The following MECOM variants were observed in gnomAD, a reference collection of about 807,000 sequenced individuals.
MECOM encodes MDS1 and EVI1 complex locus.
In MECOM, 13 loss-of-function variants were observed where a neutral mutation model predicts 116.3. The observed-to-expected ratio is 0.11, with a 90% CI of 0.07 to 0.18. The LOEUF (loss-of-function observed/expected upper bound fraction) is 0.18, where lower values mean the gene tolerates loss of function less well. Ranked by LOEUF, MECOM falls within the 10% of genes least tolerant of loss-of-function variation. MECOM has a pLI of 1.00. For missense variants in MECOM, 1,299 were observed against 1,509.0 expected (o/e 0.86, Z 2.31); for synonymous variants, 528 against 535.2 (o/e 0.99, Z 0.19).
chr3:169,146,630 G>A (rs1740037667), intron 2 of MECOM: 3 of 1,366,524 alleles, frequency 2.2e-6, no homozygotes, highest in Non-Finnish European at 1.9e-6. Context: ...GGGGGCGCCC[G>A]TAGAAACGGT....
At chr3:169,149,154 C>G (rs894262862) in intron 2 of MECOM, among the ~76,000 whole-genome samples, 1 of 147,286 alleles carries the variant, frequency 6.8e-6, no homozygotes, top group Non-Finnish European at 1.5e-5. Flanking sequence ...TTCTTCCTGT[C>G]AGGATGAGGG....
chr3:169,191,026 G>A (rs1219476503), intron 2 of MECOM, among the ~76,000 whole-genome samples: 1 of 151,984 alleles, frequency 6.6e-6, no homozygotes, highest in African/African-American at 2.4e-5. Context: ...GATACCAGGA[G>A]CAGGACCAAT....
At chr3:169,136,718 G>A (rs1371372921) in intron 3 of MECOM, among the ~76,000 whole-genome samples, 2 of 152,062 alleles carry the variant, frequency 1.3e-5, no homozygotes, top group Non-Finnish European at 2.9e-5. Flanking sequence ...TTCTTTATCT[G>A]TGGATTGATT....
At chr3:169,184,159 T>A (rs928095396) in intron 2 of MECOM, among the ~76,000 whole-genome samples, 1 of 152,118 alleles carries the variant, frequency 6.6e-6, no homozygotes, top group African/African-American at 2.4e-5. Context: ...CCACCACGCC[T>A]GGCCAGGACT....
chr3:169,150,622 T>C (rs1437441963), intron 2 of MECOM, among the ~76,000 whole-genome samples: 1 of 152,182 alleles, frequency 6.6e-6, no homozygotes, highest in Admixed American at 6.5e-5. Flanking sequence ...CTAAAACAAA[T>C]GTATAGCTTC....
At chr3:169,446,404 GC>G (rs1313980277) in intron 1 of MECOM, among the ~76,000 whole-genome samples, 2 of 152,016 alleles carry the variant, frequency 1.3e-5, no homozygotes, top group Non-Finnish European at 1.5e-5. Flanking sequence ...CTTGCCACTT[GC>G]CCTGCCATGA....
At chr3:169,449,557 C>A (rs1036881133) in intron 1 of MECOM, among the ~76,000 whole-genome samples, 1 of 152,106 alleles carries the variant, frequency 6.6e-6, no homozygotes, top group African/African-American at 2.4e-5. Context: ...TAAAGAGCCA[C>A]GCCTAGAGAC....
At chr3:169,656,396 G>A (rs531753645) in intron 1 of MECOM, among the ~76,000 whole-genome samples, 8 of 152,052 alleles carry the variant, frequency 5.3e-5, no homozygotes, top group Non-Finnish European at 7.4e-5. Flanking sequence ...CCAAAAGCAC[G>A]TTTGCTAATG....
At chr3:169,412,376 A>G (rs963011560) in intron 1 of MECOM, among the ~76,000 whole-genome samples, 4 of 152,010 alleles carry the variant, frequency 2.6e-5, no homozygotes, top group African/African-American at 9.7e-5. Context: ...TATTTTTATT[A>G]CAATGATCTT....
intron 1 of MECOM, among the ~76,000 whole-genome samples, chr3:169,616,015 G>A (rs899628400): frequency 5.3e-5 from 8 of 152,200 alleles, no homozygotes; most frequent in African/African-American, 1.9e-4. Flanking sequence ...CTTCGAGAAT[G>A]GCCCAGCCAG....
At chr3:169,623,024 A>G (rs550290788) in intron 1 of MECOM, among the ~76,000 whole-genome samples, 21 of 152,358 alleles carry the variant, frequency 1.4e-4, no homozygotes, top group Middle Eastern at 3.4e-3. Flanking sequence ...TACATCTGTG[A>G]CACAGAACTA....
Position 169,116,361 on chromosome 3 carries a change from G to T in MECOM, c.1511C>A (p.Pro504His). Reference protein sequence around the residue: ...LFPSGLYHRPPLIPASSPVKG... With the variant: ...LFPSGLYHRPHLIPASSPVKG... ...AACAGGAGAACTAGCAGGTATCAAA[G>T]GAGGCCTGTGGTACAAGCCGGAAGG... is the stretch of plus-strand genomic sequence containing the variant. The change falls in exon 8 of 17, where the codon CCT becomes CAT. Residue 504 changes from proline (P) to histidine (H), a missense_variant. Around this residue, in one of 6 missense-constraint regions of MECOM, gnomAD observed 238 missense variants for 273.1 expected, o/e 0.87. Transcript: ENST00000651503. 6.2e-7 allele frequency: 1 copy of T among 1,614,202 alleles called. No homozygotes were observed. Among genetic ancestry groups the T allele is most frequent in the African/African-American group, 1.3e-5 (1 of 75,056 alleles).
At chr3:169,310,231 T>G (rs1054897739) in intron 2 of MECOM, among the ~76,000 whole-genome samples, 1 of 152,202 alleles carries the variant, frequency 6.6e-6, no homozygotes, top group Non-Finnish European at 1.5e-5. Flanking sequence ...TTCGTACACA[T>G]TCAACATCCA....
intron 2 of MECOM, among the ~76,000 whole-genome samples, chr3:169,202,436 A>G (rs1050287913): frequency 5.3e-5 from 8 of 152,148 alleles, no homozygotes; most frequent in Non-Finnish European, 1.2e-4. Context: ...ACTTTATTGC[A>G]GAATGTTTTC....
At chr3:169,368,574 C>T (rs1048647542) in intron 2 of MECOM, among the ~76,000 whole-genome samples, 1 of 152,008 alleles carries the variant, frequency 6.6e-6, no homozygotes, top group Admixed American at 6.6e-5. Context: ...AGCAAAGAAG[C>T]TGAACCAACT....
intron 2 of MECOM, among the ~76,000 whole-genome samples, chr3:169,364,041 G>A (rs145553146): frequency 2.6e-5 from 4 of 151,940 alleles, no homozygotes; most frequent in East Asian, 3.9e-4. Flanking sequence ...TCTGTATTGC[G>A]TTTGCTGTGG....
At chr3:169,134,517 T>C (rs1254518253) in intron 3 of MECOM, among the ~76,000 whole-genome samples, 2 of 152,210 alleles carry the variant, frequency 1.3e-5, no homozygotes, top group Admixed American at 1.3e-4. Context: ...TGAAAAGAAC[T>C]GGCAAGCGCC....
At chr3:169,320,694 T>G (rs1249653825) in intron 2 of MECOM, among the ~76,000 whole-genome samples, 1 of 152,278 alleles carries the variant, frequency 6.6e-6, no homozygotes, top group Non-Finnish European at 1.5e-5. Flanking sequence ...TTGAAAAGCA[T>G]AGTCAATATT....
chr3:169,471,715 A>T (rs1184602972), intron 1 of MECOM, among the ~76,000 whole-genome samples: 1 of 152,176 alleles, frequency 6.6e-6, no homozygotes, highest in Non-Finnish European at 1.5e-5. Context: ...CTGGCTCCTC[A>T]TCACAATGCC....
Sources: allele counts gnomAD v4.1 joint callset (sites outside exome capture counted in the v4.1 genomes callset), GRCh38; gene constraint gnomAD v4.1.1; regional missense constraint gnomAD v4.1.1; transcripts MANE v1.5; gene names NCBI Gene and HGNC (gene_info 2026-07-23, HGNC 2026-07-21).